Variants in TMBIM4 observed in about 807,000 individuals in gnomAD.
TMBIM4 encodes the protein transmembrane BAX inhibitor motif containing 4, also known as protein lifeguard 4.
Under a neutral mutation model 27.7 loss-of-function variants are expected in TMBIM4, and 28 were observed. The ratio of observed to expected loss-of-function variants is 1.01; its 90% CI spans 0.75 to 1.38. The LOEUF is 1.38. Ranked by LOEUF, TMBIM4 falls within the 40% of genes most tolerant of loss-of-function variation. TMBIM4 has a pLI of 0.00. For synonymous variants in TMBIM4, 115 were observed against 113.1 expected, an observed-to-expected ratio of 1.02 and a Z score of -0.11; for missense variants, 265 against 277.5, an observed-to-expected ratio of 0.95 and a Z score of 0.32.
intron 4 of TMBIM4, among the ~76,000 whole-genome samples, chr12:66,147,563 T>C (rs1459716837): frequency 2.0e-5 from 3 of 152,210 alleles, no homozygotes; most frequent in Non-Finnish European, 4.4e-5. Context: ...CTCATACATA[T>C]GATCAAAGTA....
rs776040508 is a variant in TMBIM4, at chr12:66,138,793, T to C, written c.465-24A>G. ...GCCTATAAAAATACAATTTTAGTAA[T>C]TTGCAATATTGTTCCTTACAAAAAA... is the stretch of plus-strand genomic sequence containing the variant. On this transcript the variant is annotated intron_variant, in intron 5 of 6. Transcript: ENST00000358230. 3 of 1,514,144 alleles carry C rather than the reference T, an allele frequency of 2.0e-6. No homozygotes were observed. The Admixed American group carries it at 7.5e-5, about 38-fold the overall frequency. 93.8% of individuals were successfully genotyped at this position (1,514,144 alleles called of 1,614,324 possible). A position where few individuals can be genotyped will look rare whatever the true frequency, so the allele number is the denominator to read the frequency against.
At position 66,169,935 on chromosome 12, in the gene TMBIM4, G is replaced by A. The variant is rs974208470; in HGVS notation, c.17C>T (p.Pro6Leu). Residue 6 changes from proline (P) to leucine (L), a missense_variant, in exon 1 of 7, where the codon CCC becomes CTC. Transcript: ENST00000358230. ...CTCGATCGAGGAGCGAGGGTACCGG[G>A]GGTCGGGGTCAGCCATGATGGCAAC... Reference protein sequence around the residue: MADPDPRYPRSSIEDD... With the variant: MADPDLRYPRSSIEDD... The A allele has an allele frequency of 4.7e-6, 7 of 1,496,252 alleles. No individual in the cohort carries two copies. The African/African-American group carries it at 7.3e-5, about 16-fold the overall frequency. The allele number at this position is 1,496,252 out of a possible 1,614,324, so 92.7% of individuals were successfully genotyped here. A position where few individuals can be genotyped will look rare whatever the true frequency, so the allele number is the denominator to read the frequency against.
At chr12:66,140,077 T>C (rs1459010871) in intron 5 of TMBIM4, among the ~76,000 whole-genome samples, 1 of 151,954 alleles carries the variant, frequency 6.6e-6, no homozygotes, top group Admixed American at 6.6e-5. Context: ...CACCCAACCA[T>C]GTAAAATTTA....
At chr12:66,161,323 C>G (rs1164218154) in intron 1 of TMBIM4, among the ~76,000 whole-genome samples, 2 of 152,216 alleles carry the variant, frequency 1.3e-5, no homozygotes, top group Admixed American at 1.3e-4. Flanking sequence ...TCACTGCAAG[C>G]TCCGCCTCCC....
At chr12:66,138,845 T>G in intron 5 of TMBIM4, 76 bp from the exon 6 acceptor site, 1 of 1,368,772 alleles carries the variant, frequency 7.3e-7, no homozygotes, top group African/African-American at 1.5e-5. Flanking sequence ...CAACACTTTC[T>G]GAAAAAAACA....
chr12:66,147,320 T>A (rs2051767390), intron 4 of TMBIM4, among the ~76,000 whole-genome samples: 5 of 152,110 alleles, frequency 3.3e-5, no homozygotes, highest in Admixed American at 3.3e-4. Context: ...GTACTCAAGG[T>A]TAACCATTTT....
chr12:66,158,124 G>T (rs2051969059), intron 1 of TMBIM4, among the ~76,000 whole-genome samples: 1 of 151,454 alleles, frequency 6.6e-6, no homozygotes. Flanking sequence ...TACTCGGGAG[G>T]CTGAGGCAGG....
chr12:66,141,907 C>T, intron 5 of TMBIM4, among the ~76,000 whole-genome samples: 1 of 152,128 alleles, frequency 6.6e-6, no homozygotes, highest in East Asian at 1.9e-4. Flanking sequence ...ACCCCTCTCA[C>T]ATTGATAAAA....
chr12:66,152,130 T>C (rs2051854290), intron 3 of TMBIM4, 141 bp downstream of exon 3: 1 of 407,194 alleles, frequency 2.5e-6, no homozygotes, highest in Non-Finnish European at 4.3e-6. Flanking sequence ...TAAAAGACTA[T>C]AAAATTACAA....
At chr12:66,166,610 T>A (rs746861316) in intron 1 of TMBIM4, among the ~76,000 whole-genome samples, 1 of 152,142 alleles carries the variant, frequency 6.6e-6, no homozygotes, top group Non-Finnish European at 1.5e-5. Flanking sequence ...TACACACCTA[T>A]TAAATGGTCA....
Position 66,138,710 on chromosome 12 carries a change from A to G in TMBIM4, c.510+14T>C, listed in dbSNP as rs201279600. ...AGAATTATATTTCAAATTAACCATT[A>G]TAACATAACTTACCTTCAAGAATCC... On this transcript the variant is annotated intron_variant, in intron 6 of 6. Transcript: ENST00000358230. 5 of 1,541,674 alleles carry G rather than the reference A, an allele frequency of 3.2e-6. No individual in the cohort carries two copies. Among genetic ancestry groups the G allele is most frequent in the East Asian group, 2.4e-5 (1 of 41,370 alleles).
rs776336317 is a variant in TMBIM4 at position 66,152,351 on chromosome 12, G to C, written c.232C>G (p.Leu78Val). ...GCAAAAATCAAACCCAGAGATCCGA[G>C]GGCAAACAGCAAAATTAAGGCAGGA... ...ESPALILLFALGSLGLIFALI... is the reference protein window; with the variant it reads ...ESPALILLFAVGSLGLIFALI... The change falls in exon 3 of 7, where the codon CTC becomes GTC. Residue 78 changes from leucine to valine, a missense_variant. Coordinates refer to ENST00000358230, the MANE Select transcript of TMBIM4 (RefSeq NM_016056.4). 1.2e-6 allele frequency: 2 copies of C among 1,608,076 alleles called. No individual in the cohort carries two copies.
chr12:66,137,805 A>G lies in TMBIM4; in HGVS notation c.*155T>C, dbSNP rs1049706853. The G allele has an allele frequency of 9.7e-6, 6 of 617,972 alleles. No individual in the cohort carries two copies. The highest frequency in any genetic ancestry group is 3.7e-5 in the African/African-American group (2 of 53,946). The allele number at this position is 617,972 out of a possible 1,614,324, so 38.3% of individuals were successfully genotyped here. On this transcript the variant is annotated 3_prime_UTR_variant, in exon 7 of 7. Coordinates refer to ENST00000358230, the MANE Select transcript of TMBIM4 (RefSeq NM_016056.4). ...AAGATTTTAAAGCTCTCAAAATTAC[A>G]TATGATACAAATAAAGATTGTAACA...
At chr12:66,151,733 C>T (rs1458722370) in intron 3 of TMBIM4, among the ~76,000 whole-genome samples, 7 of 152,130 alleles carry the variant, frequency 4.6e-5, no homozygotes, top group Non-Finnish European at 1.0e-4. Context: ...TCTCAACATA[C>T]ATGACTTAAA....
rs142587389 is a variant in TMBIM4, at chr12:66,166,215, G to A, written c.97+3640C>T. ...CACAGTGGCTTATGCCTGTAATCCC[G>A]GCACTTTCGGAGGCCAAGGTGGGTG... is the stretch of plus-strand genomic sequence containing the variant. On this transcript the variant is annotated intron_variant, in intron 1 of 6. Transcript: ENST00000358230. Among the ~76,000 whole-genome samples the A allele has an allele frequency of 3.1e-3, 474 of 152,120 alleles. 6 individuals are homozygous for A. Among genetic ancestry groups the A allele is most frequent in the African/African-American group, 0.011 (451 of 41,482 alleles).
intron 3 of TMBIM4, among the ~76,000 whole-genome samples, chr12:66,151,419 T>G (rs2051843417): frequency 6.6e-6 from 1 of 152,052 alleles, no homozygotes; most frequent in African/African-American, 2.4e-5. Flanking sequence ...TGTATTTTTT[T>G]GTAGAGGTGG....
chr12:66,152,782 T>TC (rs1234988533), intron 2 of TMBIM4, among the ~76,000 whole-genome samples: 1 of 152,046 alleles, frequency 6.6e-6, no homozygotes, highest in Non-Finnish European at 1.5e-5. Context: ...AGTTCAAGAC[T>TC]CCCCTTTGGT....
chr12:66,159,317 C>T (rs1207553731), intron 1 of TMBIM4, among the ~76,000 whole-genome samples: 1 of 152,190 alleles, frequency 6.6e-6, no homozygotes, highest in Non-Finnish European at 1.5e-5. Flanking sequence ...GTCATGAGGA[C>T]ACTGAAGCAG....
At chr12:66,145,760 AAC>A (rs775878824) in intron 5 of TMBIM4, 79 bp downstream of exon 5, 7 of 779,560 alleles carry the variant, frequency 9.0e-6, no homozygotes, top group Non-Finnish European at 1.5e-5. Flanking sequence ...ACCCAAAAAT[AAC>A]AGTGTAGCAC....
Sources: allele counts gnomAD v4.1 joint callset (sites outside exome capture counted in the v4.1 genomes callset), GRCh38; gene constraint gnomAD v4.1.1; transcripts MANE v1.5; gene names NCBI Gene and HGNC (gene_info 2026-07-23, HGNC 2026-07-21).